FETUB: variants seen among roughly 807,000 people sequenced by gnomAD.
The protein encoded by FETUB is fetuin-B.
FETUB carries 28 observed loss-of-function variants against 30.9 expected under a neutral mutation model. That is an observed-to-expected ratio of 0.90 (90% CI 0.67 to 1.24). The LOEUF (loss-of-function observed/expected upper bound fraction) is 1.24. Ranked by LOEUF, FETUB falls within the 50% of genes most tolerant of loss-of-function variation. The pLI, the probability that FETUB is intolerant of heterozygous loss-of-function variation, is 0.00. For synonymous variants in FETUB, 186 were observed against 175.9 expected (o/e 1.06, Z -0.45); for missense variants, 469 against 455.3 (o/e 1.03, Z -0.27).
intron 3 of FETUB, among the ~76,000 whole-genome samples, chr3:186,642,868 ATT>A (rs549661512): frequency 1.4e-3 from 215 of 152,248 alleles, no homozygotes; most frequent in African/African-American, 5.0e-3. Context: ...TATCTCTGCC[ATT>A]ATTTCCCAGA....
At position 186,651,476 on chromosome 3, in the gene FETUB, T is replaced by C. The variant is rs577079145; in HGVS notation, c.780+175T>C. The C allele has an allele frequency of 1.3e-5, 8 of 604,854 alleles. No homozygotes were observed. The East Asian group carries it at 1.7e-4, about 13-fold the overall frequency. 37.5% of individuals were successfully genotyped at this position (604,854 alleles called of 1,614,324 possible). A position where few individuals can be genotyped will look rare whatever the true frequency, so the allele number is the denominator to read the frequency against. ...CCAGTCAAAGACCTGTTATGCCTTG[T>C]TTCAGTCGCAATATGGTCCTGCAGA... is the stretch of plus-strand genomic sequence containing the variant. On this transcript the variant is annotated intron_variant, in intron 6 of 6. Coordinates refer to ENST00000265029, the MANE Select transcript of FETUB (RefSeq NM_014375.3).
chr3:186,640,162 G>C (rs1023715746), upstream of FETUB, among the ~76,000 whole-genome samples: 5 of 152,206 alleles, frequency 3.3e-5, no homozygotes, highest in Non-Finnish European at 7.3e-5. Context: ...CTGCAAATCA[G>C]AATCTAATCA....
At chr3:186,643,756 C>T (rs1361904035) in intron 3 of FETUB, among the ~76,000 whole-genome samples, 1 of 152,100 alleles carries the variant, frequency 6.6e-6, no homozygotes, top group East Asian at 1.9e-4. Flanking sequence ...CCACCAGTCC[C>T]CAAGTGCATG....
chr3:186,651,605 A>G, intron 6 of FETUB: 1 of 352,406 alleles, frequency 2.8e-6, no homozygotes, highest in Non-Finnish European at 5.3e-6. Flanking sequence ...CTCAAGCCAC[A>G]GGGAGAAGTT....
chr3:186,638,742 G>A (rs1165043163), upstream of FETUB, among the ~76,000 whole-genome samples: 1 of 152,158 alleles, frequency 6.6e-6, no homozygotes, highest in Non-Finnish European at 1.5e-5. Flanking sequence ...TCAGGTCCCA[G>A]ACCATTCTCC....
chr3:186,644,765 A>G lies in FETUB; in HGVS notation c.439A>G (p.Ile147Val). Residue 147 changes from isoleucine to valine, a missense_variant, in exon 4 of 7, where the codon ATT becomes GTT. Ile to Val is a conservative substitution (Grantham distance 29). Coordinates refer to ENST00000265029, the MANE Select transcript of FETUB (RefSeq NM_014375.3). ...GGCATCAACAGTTTCAAAAAAAAAG[A>G]TTTACATGACGTGCCCTGACTGCCC... Reference protein sequence around the residue: ...CTLRPVSKKKIYMTCPDCPSS... With the variant: ...CTLRPVSKKKVYMTCPDCPSS... 6.3e-7 allele frequency: 1 copy of G among 1,590,464 alleles called. No homozygotes were observed. Among genetic ancestry groups the G allele is most frequent in the Non-Finnish European group, 8.5e-7 (1 of 1,173,918 alleles).
At chr3:186,638,198 A>G (rs972906562), upstream of FETUB, among the ~76,000 whole-genome samples, 2 of 152,194 alleles carry the variant, frequency 1.3e-5, no homozygotes, top group African/African-American at 4.8e-5. Context: ...GACACACTGG[A>G]TTCAACAAAA....
upstream of FETUB, among the ~76,000 whole-genome samples, chr3:186,636,644 A>G (rs899150262): frequency 1.3e-5 from 2 of 152,222 alleles, no homozygotes; most frequent in African/African-American, 4.8e-5. Flanking sequence ...ATACTTCAGG[A>G]AGGAGTCAAG....
Position 186,644,730 on chromosome 3 carries a change from TTA to T in FETUB, c.425-19_425-18del. ...TTGAAAATTAATAGCATTTAAAAAC[TTA>T]TGTTATTGGCATCAACAGTTTCAAA... On this transcript the variant is annotated intron_variant, in intron 3 of 6. Coordinates refer to ENST00000265029, the MANE Select transcript of FETUB (RefSeq NM_014375.3). 6.3e-7 allele frequency: 1 copy of T among 1,575,306 alleles called. No homozygotes were observed. Among genetic ancestry groups the T allele is most frequent in the Middle Eastern group, 1.7e-4 (1 of 5,878 alleles).
At chr3:186,646,747 C>T (rs1188189776) in intron 5 of FETUB, among the ~76,000 whole-genome samples, 1 of 152,206 alleles carries the variant, frequency 6.6e-6, no homozygotes. Context: ...ATCTGAAATA[C>T]ACCTGGTGGG....
Position 186,640,938 on chromosome 3 carries a change from G to C in FETUB, c.226-92G>C, listed in dbSNP as rs1716997897. 8.8e-6 allele frequency: 7 copies of C among 794,862 alleles called. No homozygotes were observed. The Admixed American group carries it at 1.2e-4, about 13-fold the overall frequency. The allele number at this position is 794,862 out of a possible 1,614,324, so 49.2% of individuals were successfully genotyped here. ...CGGGGAATCTTCACAAATATTCTTT[G>C]GCTTTGCCATAAAGCAGGGGTTTTT... is the stretch of plus-strand genomic sequence containing the variant. On this transcript the variant is annotated intron_variant, in intron 1 of 6. Transcript: ENST00000265029.
chr3:186,645,721 C>CTTTTTT (rs35992832), intron 4 of FETUB, among the ~76,000 whole-genome samples: 17 of 79,604 alleles, frequency 2.1e-4, no homozygotes, highest in East Asian at 4.7e-4. Flanking sequence ...CCATTCAAAT[C>CTTTTTT]TTTTTTTTTT....
chr3:186,650,172 G>GC (rs1166912495), intron 5 of FETUB, among the ~76,000 whole-genome samples: 1 of 28,536 alleles, frequency 3.5e-5, no homozygotes, highest in African/African-American at 2.1e-4. Flanking sequence ...GGCGGGGGTG[G>GC]GGGGGGGGGG....
chr3:186,640,614 AT>A lies in FETUB; in HGVS notation c.156del (p.Asn53ThrfsTer10), dbSNP rs1307344224. Reference protein sequence around the residue: ...LAVAGFALRDINKDRKDGYVL... With the variant: ...LAVAGFALRDXNKDRKDGYVL... ...AGTTGCAGGCTTTGCCCTGCGGGAT[AT>A]TAACAAAGACAGAAAGGATGGCTAT... On this transcript the variant is annotated frameshift_variant, in exon 1 of 7. Coordinates refer to ENST00000265029, the MANE Select transcript of FETUB (RefSeq NM_014375.3). LOFTEE classifies it high-confidence loss of function. The A allele has an allele frequency of 1.9e-6, 3 of 1,614,070 alleles. No homozygotes were observed. Among genetic ancestry groups the A allele is most frequent in the Non-Finnish European group, 2.5e-6 (3 of 1,180,032 alleles).
upstream of FETUB, among the ~76,000 whole-genome samples, chr3:186,637,399 T>G (rs1716806691): frequency 6.6e-6 from 1 of 152,198 alleles, no homozygotes. Flanking sequence ...TCCTGTCCCC[T>G]TAGGCCAAGA....
At position 186,640,465 on chromosome 3, in the gene FETUB, G is replaced by A. The variant is rs1716938023; in HGVS notation, c.5G>A (p.Gly2Asp). The A allele has an allele frequency of 6.2e-7, 1 of 1,613,756 alleles. No individual in the cohort carries two copies. The highest frequency in any genetic ancestry group is 1.1e-5 in the South Asian group (1 of 91,074). ...CTGGGCCTTGTTCTCCACAGAATGG[G>A]TCTGCTCCTTCCCCTGGCACTCTGC... M[G>D]LLLPLALCIL... The change falls in exon 1 of 7, where the codon GGT becomes GAT. Residue 2 changes from glycine to aspartate, a missense_variant. By Grantham distance (94) the Gly-to-Asp change is moderately conservative. Coordinates refer to ENST00000265029, the MANE Select transcript of FETUB (RefSeq NM_014375.3).
chr3:186,652,813 G>A lies in FETUB; in HGVS notation c.*182G>A. 1.5e-6 allele frequency: 1 copy of A among 673,768 alleles called. No homozygotes were observed. Among genetic ancestry groups the A allele is most frequent in the South Asian group, 2.1e-5 (1 of 48,594 alleles). 41.7% of individuals were successfully genotyped at this position (673,768 alleles called of 1,614,324 possible). A position where few individuals can be genotyped will look rare whatever the true frequency, so the allele number is the denominator to read the frequency against. On this transcript the variant is annotated 3_prime_UTR_variant, in exon 7 of 7. Transcript: ENST00000265029. Reference sequence around the variant, plus strand: ...TAATGAGACTGAGCCCTCGGCTTGGGCTGCACTCTACCCTGTACACTGCCT... The same window carrying A: ...TAATGAGACTGAGCCCTCGGCTTGGACTGCACTCTACCCTGTACACTGCCT...
intron 2 of FETUB, 26 bp downstream of exon 2, chr3:186,641,166 T>G: frequency 6.9e-7 from 1 of 1,442,658 alleles, no homozygotes; most frequent in Non-Finnish European, 9.7e-7. Flanking sequence ...TATAAACCAT[T>G]AAGGGCCCTA....
chr3:186,648,455 G>T (rs958863308), intron 5 of FETUB, among the ~76,000 whole-genome samples: 5 of 152,186 alleles, frequency 3.3e-5, no homozygotes, highest in African/African-American at 1.2e-4. Context: ...TCTTGTTCAA[G>T]ATTGCTTTGG....
Sources: gnomAD v4.1 joint callset for allele counts (sites outside exome capture counted in the v4.1 genomes callset) on GRCh38, gnomAD v4.1.1 for gene constraint, MANE v1.5 for transcripts, NCBI Gene and HGNC (gene_info 2026-07-23, HGNC 2026-07-21) for gene names.